Variants in RASA3 observed in about 807,000 individuals in gnomAD.
RASA3 encodes the protein RAS p21 protein activator 3, also known as ras GTPase-activating protein 3.
RASA3 carries 73 observed loss-of-function variants against 110.0 expected under a neutral mutation model. The ratio of observed to expected loss-of-function variants is 0.66; its 90% CI spans 0.55 to 0.81. The LOEUF (loss-of-function observed/expected upper bound fraction) is 0.81, where lower values mean the gene tolerates loss of function less well. Ranked by LOEUF, RASA3 falls within the 30% of genes least tolerant of loss-of-function variation. The probability of loss-of-function intolerance (pLI) is 0.00; values close to 1 mark genes in which losing one functional copy is unlikely to be tolerated. For synonymous variants in RASA3, 500 were observed against 451.4 expected (o/e 1.11, Z -1.37); for missense variants, 976 against 1,113.2 (o/e 0.88, Z 1.75).
rs760080322 is a variant in RASA3 at position 114,016,192 on chromosome 13, C to T, written c.1281+5G>A. 3 of 1,577,664 alleles carry T rather than the reference C, an allele frequency of 1.9e-6. No individual in the cohort carries two copies. Among genetic ancestry groups the T allele is most frequent in the Admixed American group, 3.3e-5 (2 of 59,934 alleles). ...GGCTTTGGTTGGTTCATGAACAAAA[C>T]CTACCATGTTGTTTTCAAGGTTTTC... On this transcript the variant is annotated splice_donor_5th_base_variant and intron_variant, in intron 13 of 23. Transcript: ENST00000334062.
At chr13:114,069,435 A>T (rs2139651299) in intron 2 of RASA3, among the ~76,000 whole-genome samples, 1 of 99,934 alleles carries the variant, frequency 1.0e-5, no homozygotes, top group East Asian at 3.3e-4. Context: ...GGGGGCTGGG[A>T]GACTCAGGGA....
At position 114,065,918 on chromosome 13, in the gene RASA3, A is replaced by T. The variant is rs1184428423; in HGVS notation, c.173+7802T>A. Among the ~76,000 whole-genome samples, 5 of 152,328 alleles carry T rather than the reference A, an allele frequency of 3.3e-5. No individual in the cohort carries two copies. The highest frequency in any genetic ancestry group is 1.2e-4 in the African/African-American group (5 of 41,576). On this transcript the variant is annotated intron_variant, in intron 2 of 23. Coordinates refer to ENST00000334062, the MANE Select transcript of RASA3 (RefSeq NM_007368.4). This position sits in a 1 kb window ranked among gnomAD's most constrained non-coding sequence, Gnocchi z 4.1. The stretch of plus-strand genomic sequence containing the variant: ...TCAAACGGAACCCAAAGACTCAGTG[A>T]GGAAAGCAGGCGGGCTGGGCTGAGA...
chr13:114,022,721 C>T (rs1214283742), intron 8 of RASA3, among the ~76,000 whole-genome samples: 1 of 152,214 alleles, frequency 6.6e-6, no homozygotes, highest in East Asian at 1.9e-4. Context: ...AGTGGCCAGG[C>T]AGGCGCATTT....
intron 4 of RASA3, among the ~76,000 whole-genome samples, chr13:114,034,284 T>C (rs1379486304): frequency 2.0e-5 from 3 of 152,186 alleles, no homozygotes; most frequent in Non-Finnish European, 2.9e-5. Flanking sequence ...GGGCGCAAAC[T>C]CTCTCAGGAC....
intron 21 of RASA3, among the ~76,000 whole-genome samples, chr13:113,996,315 C>A (rs1235390054): frequency 1.3e-5 from 2 of 152,314 alleles, no homozygotes; most frequent in Middle Eastern, 3.4e-3. Context: ...GCCTGTGGCA[C>A]CCTGGAGTCT....
At chr13:113,990,472 T>A (rs1030328129) in intron 22 of RASA3, among the ~76,000 whole-genome samples, 3 of 152,166 alleles carry the variant, frequency 2.0e-5, no homozygotes, top group Admixed American at 1.3e-4. Context: ...GGGTCTTGTG[T>A]GTGATGACCT....
chr13:114,051,587 G>C (rs1185782833), intron 3 of RASA3, among the ~76,000 whole-genome samples: 3 of 152,170 alleles, frequency 2.0e-5, no homozygotes, highest in Non-Finnish European at 2.9e-5. Flanking sequence ...GGAAGTAACA[G>C]TATTGCCCCA....
intron 4 of RASA3, chr13:114,035,944 T>C (rs574482775): frequency 9.0e-4 from 137 of 152,388 alleles, no homozygotes; most frequent in African/African-American, 3.2e-3. Flanking sequence ...CAGTGAGATT[T>C]CACGGTGCAA....
chr13:114,097,918 G>A (rs369947190), intron 1 of RASA3, among the ~76,000 whole-genome samples: 4 of 152,210 alleles, frequency 2.6e-5, no homozygotes, highest in African/African-American at 9.6e-5. Context: ...CAGTGCAGAC[G>A]GCCGGGGCCC....
At chr13:114,124,137 T>C (rs2080416014) in intron 1 of RASA3, among the ~76,000 whole-genome samples, 1 of 152,162 alleles carries the variant, frequency 6.6e-6, no homozygotes, top group Non-Finnish European at 1.5e-5. Flanking sequence ...ACTGGCTGTG[T>C]TGTGATACCA....
chr13:114,074,904 G>A (rs934398043), intron 1 of RASA3, among the ~76,000 whole-genome samples: 1 of 152,252 alleles, frequency 6.6e-6, no homozygotes, highest in Non-Finnish European at 1.5e-5. Context: ...TGGAGAATAG[G>A]GAGTGAGCAG....
intron 2 of RASA3, among the ~76,000 whole-genome samples, chr13:114,053,868 G>C (rs945494333): frequency 6.6e-6 from 1 of 152,270 alleles, no homozygotes. Flanking sequence ...GCTCACGCCT[G>C]TAATCCCAAC....
intron 11 of RASA3, among the ~76,000 whole-genome samples, chr13:114,017,683 C>G (rs1253492527): frequency 6.6e-6 from 1 of 152,238 alleles, no homozygotes; most frequent in East Asian, 1.9e-4. Context: ...CTGGCAGCAT[C>G]CAAGGGCCAG....
chr13:114,078,866 C>A (rs1227780813), intron 1 of RASA3, among the ~76,000 whole-genome samples: 3 of 152,228 alleles, frequency 2.0e-5, no homozygotes, highest in Admixed American at 2.0e-4. Flanking sequence ...TGACAGCGAG[C>A]TGTCGGGGCT....
chr13:114,064,106 C>G (rs1307241791), intron 2 of RASA3, among the ~76,000 whole-genome samples: 2 of 152,142 alleles, frequency 1.3e-5, no homozygotes, highest in African/African-American at 4.8e-5. Flanking sequence ...TAAAAAAACC[C>G]CCACAAATTT....
chr13:114,039,967 C>T (rs1322647630), intron 4 of RASA3, among the ~76,000 whole-genome samples: 3 of 152,326 alleles, frequency 2.0e-5, no homozygotes, highest in South Asian at 4.1e-4. Flanking sequence ...TTCTTGGTGC[C>T]GCGTGCCAGG....
At chr13:114,098,150 C>T (rs1288766606) in intron 1 of RASA3, among the ~76,000 whole-genome samples, 3 of 152,170 alleles carry the variant, frequency 2.0e-5, no homozygotes, top group African/African-American at 7.2e-5. Context: ...GGGAGCACGG[C>T]ACCTGGCTAA....
chr13:113,980,744 C>T (rs934337444), intron 23 of RASA3, among the ~76,000 whole-genome samples: 3 of 152,214 alleles, frequency 2.0e-5, no homozygotes, highest in Non-Finnish European at 2.9e-5. Flanking sequence ...CTGAGCAACT[C>T]GGTCCAAGTC....
intron 1 of RASA3, among the ~76,000 whole-genome samples, chr13:114,097,372 A>G (rs1053466692): frequency 6.6e-6 from 1 of 152,238 alleles, no homozygotes; most frequent in South Asian, 2.1e-4. Context: ...GCATCCCCAC[A>G]GGGCGCCAGG....
Sources: allele counts gnomAD v4.1 joint callset (sites outside exome capture counted in the v4.1 genomes callset), GRCh38; gene constraint gnomAD v4.1.1; non-coding constraint Gnocchi (gnomAD v3.1); transcripts MANE v1.5; gene names NCBI Gene and HGNC (gene_info 2026-07-23, HGNC 2026-07-21).